The following R3HCC1 variants were observed in gnomAD, a reference collection of about 807,000 sequenced individuals.
The protein encoded by R3HCC1 is R3H domain and coiled-coil containing 1.
Under a neutral mutation model 40.0 loss-of-function variants are expected in R3HCC1, and 32 were observed. The ratio of observed to expected loss-of-function variants is 0.80; its 90% confidence interval spans 0.60 to 1.07. The LOEUF (loss-of-function observed/expected upper bound fraction) is 1.07. Among genes scored for constraint, R3HCC1 ranks in the 50% least tolerant of loss-of-function variants. The pLI is 0.00. For missense variants in R3HCC1, 586 were observed against 563.3 expected (o/e 1.04, Z -0.41); for synonymous variants, 237 against 232.8 (o/e 1.02, Z -0.17).
In R3HCC1 at chr8:23,291,440, C is replaced by T. The variant is rs563129118; in HGVS notation, c.932C>T (p.Pro311Leu). 3.9e-6 allele frequency: 6 copies of T among 1,551,582 alleles called. No homozygotes were observed. The highest frequency in any genetic ancestry group is 2.0e-5 in the Admixed American group (1 of 50,988). ...ACATCCTCCTTCGTGGAGGAGCTGC[C>T]TGGAGAGAAGGACCTTGCCCACGTG... Residue 311 changes from proline (P) to leucine (L), a missense_variant, in exon 5 of 8, where the codon CCT (proline) becomes CTT (leucine). Physicochemically the swap from Pro to Leu is moderately conservative, Grantham distance 98. Coordinates refer to ENST00000265806, the MANE Select transcript of R3HCC1 (RefSeq NM_001136108.3).
intron 4 of R3HCC1, among the ~76,000 whole-genome samples, 183 bp downstream of exon 4, chr8:23,290,652 C>T (rs572887948): frequency 6.6e-6 from 1 of 152,060 alleles, no homozygotes; most frequent in Non-Finnish European, 1.5e-5. Context: ...TGGGTCCCAG[C>T]CCAGCCATGT....
intron 6 of R3HCC1, 51 bp downstream of exon 6, chr8:23,293,424 G>C (rs1399136645): frequency 7.0e-7 from 1 of 1,437,460 alleles, no homozygotes; most frequent in African/African-American, 1.4e-5. Context: ...TGTTGAGAGG[G>C]AGGACCCTTG....
intron 1 of R3HCC1, 118 bp from the exon 2 acceptor site, chr8:23,288,388 C>A (rs1462598424): frequency 4.3e-6 from 6 of 1,395,090 alleles, no homozygotes; most frequent in East Asian, 2.6e-5. Context: ...CATCACTTCC[C>A]CGCCACCGAG....
At position 23,289,847 on chromosome 8, in the gene R3HCC1, C is replaced by T; in HGVS notation, c.249-19C>T. 2.0e-6 allele frequency: 3 copies of T among 1,482,860 alleles called. No individual in the cohort carries two copies. The highest frequency in any genetic ancestry group is 2.7e-6 in the Non-Finnish European group (3 of 1,120,414). The allele number at this position is 1,482,860 out of a possible 1,614,324, so 91.9% of individuals were successfully genotyped here. On this transcript the variant is annotated intron_variant, in intron 3 of 7. Transcript: ENST00000265806. ...GGGCCCCTACACACTCTGATTACCT[C>T]CTCCCATTCCTGCTCCAGGGTACCC...
chr8:23,294,654 C>A lies in R3HCC1; in HGVS notation c.1097-115C>A, dbSNP rs1027424243. 2.9e-5 allele frequency: 23 copies of A among 798,546 alleles called. No homozygotes were observed. In the East Asian group the frequency reaches 3.0e-4, roughly 10 times the overall value. The allele number at this position is 798,546 out of a possible 1,614,324, so 49.5% of individuals were successfully genotyped here. ...CCCATCCAGGGCGGTGTCGGAGCAG[C>A]CCTGCCCTGAGCTTTGAATAGGTGC... On this transcript the variant is annotated intron_variant, in intron 6 of 7. Transcript: ENST00000265806.
At chr8:23,289,282 T>A (rs893897639) in intron 3 of R3HCC1, 129 bp downstream of exon 3, 32 of 1,033,584 alleles carry the variant, frequency 3.1e-5, no homozygotes, top group Non-Finnish European at 4.0e-5. Flanking sequence ...CATTCCTAGC[T>A]GCAGCTGCTC....
intron 5 of R3HCC1, among the ~76,000 whole-genome samples, chr8:23,291,898 G>A (rs1585333631): frequency 6.6e-6 from 1 of 152,162 alleles, no homozygotes; most frequent in South Asian, 2.1e-4. Context: ...AGCAGGCTAC[G>A]GGCCAGCTCC....
In R3HCC1 at chr8:23,295,986, GGA is replaced by G; in HGVS notation, c.1216_1217del (p.Arg406AlafsTer79). 6.4e-7 allele frequency: 1 copy of G among 1,550,820 alleles called. No individual in the cohort carries two copies. Among genetic ancestry groups the G allele is most frequent in the Non-Finnish European group, 8.7e-7 (1 of 1,146,820 alleles). ...TTCTAGAACTCCTGCGTCTGGTGAAGGAGAGGCCACAGACAAATGCGACTGTG... is the reference window on the plus strand; with the variant it reads ...TTCTAGAACTCCTGCGTCTGGTGAAGGAGGCCACAGACAAATGCGACTGTG... On this transcript the variant is annotated frameshift_variant, in exon 8 of 8. Transcript: ENST00000265806. LOFTEE classifies it high-confidence loss of function.
Position 23,293,340 on chromosome 8 carries a change from C to CA in R3HCC1, c.1064dup (p.His355GlnfsTer131), listed in dbSNP as rs1802914141. ...CAGGATTCAGTGGGTGGATGATACT[C>CA]ACGCACTCGGCATCTTTCCCTGCCT... is the stretch of plus-strand genomic sequence containing the variant. On this transcript the variant is annotated frameshift_variant, in exon 6 of 8. Coordinates refer to ENST00000265806, the MANE Select transcript of R3HCC1 (RefSeq NM_001136108.3). LOFTEE classifies it high-confidence loss of function. The CA allele has an allele frequency of 7.7e-6, 12 of 1,551,402 alleles. No homozygotes were observed. The highest frequency in any genetic ancestry group is 9.6e-6 in the Non-Finnish European group (11 of 1,146,900).
At position 23,289,971 on chromosome 8, in the gene R3HCC1, T is replaced by C. The variant is rs775189700; in HGVS notation, c.354T>C (p.Val118=). 6.5e-7 allele frequency: 1 copy of C among 1,536,420 alleles called. No individual in the cohort carries two copies. The highest frequency in any genetic ancestry group is 1.2e-5 in the South Asian group (1 of 84,058). Residue 118 remains valine (V), a synonymous_variant, in exon 4 of 8, where the codon GTT becomes GTC. Transcript: ENST00000265806. ...TCTCCAACCAAGGAGCAGCTGCGGT[T>C]CCCCGAGGTGCCCGGGCTGGCCGGT...
intron 3 of R3HCC1, 78 bp downstream of exon 3, chr8:23,289,231 C>A: frequency 6.7e-7 from 1 of 1,481,544 alleles, no homozygotes; most frequent in South Asian, 1.3e-5. Context: ...TTTGGAAGGG[C>A]AGGGCTGGGG....
chr8:23,295,210 G>A (rs1261376928), intron 7 of R3HCC1, among the ~76,000 whole-genome samples: 1 of 152,136 alleles, frequency 6.6e-6, no homozygotes. Flanking sequence ...ATCCCATAGG[G>A]CCGGGAAGGG....
At chr8:23,288,678 CAGG>C in intron 2 of R3HCC1, 45 bp downstream of exon 2, 1 of 1,528,724 alleles carries the variant, frequency 6.5e-7, no homozygotes, top group South Asian at 1.2e-5. Flanking sequence ...CTGGGAAGGG[CAGG>C]GTTCCCGAGC....
intron 6 of R3HCC1, among the ~76,000 whole-genome samples, chr8:23,293,665 C>A (rs1009803852): frequency 6.6e-6 from 1 of 152,208 alleles, no homozygotes; most frequent in African/African-American, 2.4e-5. Flanking sequence ...ACGGATGTCC[C>A]TGTGTTAAAT....
Position 23,290,533 on chromosome 8 carries a change from T to TG in R3HCC1, c.852+68dup, listed in dbSNP as rs1462634534. The TG allele has an allele frequency of 8.1e-6, 12 of 1,490,340 alleles. No individual in the cohort carries two copies. The African/African-American group carries it at 9.8e-5, about 12-fold the overall frequency. 92.3% of individuals were successfully genotyped at this position (1,490,340 alleles called of 1,614,324 possible). A position where few individuals can be genotyped will look rare whatever the true frequency, so the allele number is the denominator to read the frequency against. On this transcript the variant is annotated intron_variant, in intron 4 of 7. Coordinates refer to ENST00000265806, the MANE Select transcript of R3HCC1 (RefSeq NM_001136108.3). ...TGAGGTGGGTGTGGCCGTGGGTGGA[T>TG]GGGGACCAAGGGTTATGGTGTGGAG... is the stretch of plus-strand genomic sequence containing the variant.
chr8:23,291,314 G>C (rs979366495), intron 4 of R3HCC1, 47 bp from the exon 5 acceptor site: 1 of 1,530,514 alleles, frequency 6.5e-7, no homozygotes, highest in East Asian at 2.5e-5. Flanking sequence ...TGGTTTGGGA[G>C]CTCTGCGTGT....
At chr8:23,294,989 C>A in intron 7 of R3HCC1, 125 bp downstream of exon 7, 1 of 738,654 alleles carries the variant, frequency 1.4e-6, no homozygotes, top group Non-Finnish European at 2.3e-6. Flanking sequence ...ATTCTTCCCG[C>A]TTGACTTCTC....
At chr8:23,292,622 T>C (rs1322391364) in intron 5 of R3HCC1, among the ~76,000 whole-genome samples, 1 of 140,660 alleles carries the variant, frequency 7.1e-6, no homozygotes, top group African/African-American at 2.5e-5. Flanking sequence ...TCAAAAAAAA[T>C]AAAAATAAAA....
intron 1 of R3HCC1, 122 bp downstream of exon 1, chr8:23,288,279 T>C: frequency 8.9e-7 from 1 of 1,119,368 alleles, no homozygotes. Flanking sequence ...GCGCAGGGTG[T>C]GGAGCCACCC....
Sources: allele counts gnomAD v4.1 joint callset (sites outside exome capture counted in the v4.1 genomes callset), GRCh38; gene constraint gnomAD v4.1.1; transcripts MANE v1.5; gene names NCBI Gene and HGNC (gene_info 2026-07-23, HGNC 2026-07-21).